Variants in RGS7 observed in about 807,000 individuals in gnomAD.
RGS7 encodes regulator of G protein signaling 7, also known as regulator of G-protein signaling 7.
Under a neutral mutation model 81.1 loss-of-function variants are expected in RGS7, and 27 were observed. That is an observed-to-expected ratio of 0.33 (90% CI 0.25 to 0.46). The LOEUF is 0.46. Among genes scored for constraint, RGS7 ranks in the 20% least tolerant of loss-of-function variants. RGS7 has a pLI of 1.00. For missense variants in RGS7, 396 were observed against 607.4 expected (o/e 0.65, Z 3.66); for synonymous variants, 208 against 207.7 (o/e 1.00, Z -0.01).
intron 3 of RGS7, among the ~76,000 whole-genome samples, chr1:241,032,356 C>T (rs1014931332): frequency 2.0e-5 from 3 of 152,106 alleles, no homozygotes; most frequent in African/African-American, 7.2e-5. Flanking sequence ...ATACCAGTAC[C>T]GTGCTGTTTT....
intron 3 of RGS7, chr1:240,998,375 T>C (rs1356623829): frequency 7.5e-6 from 4 of 530,392 alleles, no homozygotes; most frequent in Non-Finnish European, 1.3e-5. Flanking sequence ...GTGATGTTTT[T>C]AAGCCATTAT....
At chr1:240,908,902 C>T (rs999406341) in intron 6 of RGS7, among the ~76,000 whole-genome samples, 3 of 152,154 alleles carry the variant, frequency 2.0e-5, no homozygotes, top group African/African-American at 7.2e-5. Flanking sequence ...CAAGTGTTTC[C>T]TTCAGGTTGC....
At chr1:241,032,718 T>G (rs2060138858) in intron 3 of RGS7, among the ~76,000 whole-genome samples, 1 of 152,188 alleles carries the variant, frequency 6.6e-6, no homozygotes, top group African/African-American at 2.4e-5. Context: ...TTACATATAT[T>G]CCTATTTATT....
intron 2 of RGS7, among the ~76,000 whole-genome samples, chr1:241,119,031 C>A (rs1336132332): frequency 6.6e-6 from 1 of 151,360 alleles, no homozygotes; most frequent in Non-Finnish European, 1.5e-5. Flanking sequence ...CCCCTGCTCA[C>A]CCAAAATGTA....
intron 3 of RGS7, among the ~76,000 whole-genome samples, chr1:241,084,006 A>C (rs2063296598): frequency 6.6e-6 from 1 of 152,164 alleles, no homozygotes. Context: ...TCTTCTTCAA[A>C]CTGACTCCAA....
chr1:241,356,297 G>T (rs2148765836), intron 1 of RGS7, among the ~76,000 whole-genome samples: 1 of 152,206 alleles, frequency 6.6e-6, no homozygotes, highest in Non-Finnish European at 1.5e-5. Flanking sequence ...CAGCCCATCA[G>T]AGAGGCCCAT....
In RGS7 at chr1:240,802,910, C is replaced by CTT; in HGVS notation, c.1351_1352dup (p.Lys452ArgfsTer38). ...ACTCACAAAAAACCAGTACCTTTTT[C>CTT]TTTGCCTGTAGAAGCTCCTGATAGG... On this transcript the variant is annotated frameshift_variant, in exon 16 of 19. Coordinates refer to ENST00000440928, the MANE Select transcript of RGS7 (RefSeq NM_001364886.1). LOFTEE classifies it high-confidence loss of function. 1 of 1,606,012 alleles carries CTT rather than the reference C, an allele frequency of 6.2e-7. No individual in the cohort carries two copies. Among genetic ancestry groups the CTT allele is most frequent in the Non-Finnish European group, 8.5e-7 (1 of 1,172,920 alleles).
intron 2 of RGS7, among the ~76,000 whole-genome samples, chr1:241,139,746 G>C (rs1466230603): frequency 1.3e-5 from 2 of 152,096 alleles, no homozygotes; most frequent in South Asian, 2.1e-4. Context: ...CCCTAACAAC[G>C]ACTGATGTTC....
rs971275816 is a variant in RGS7 at position 240,828,918 on chromosome 1, C to T, written c.610-1746G>A. The stretch of plus-strand genomic sequence containing the variant: ...AGTGACTCCAGAGAAACTGTGAATA[C>T]GGAAAAGTCTTCCGTGGAGTTGGGG... On this transcript the variant is annotated intron_variant, in intron 9 of 18. Coordinates refer to ENST00000440928, the MANE Select transcript of RGS7 (RefSeq NM_001364886.1). Among the ~76,000 whole-genome samples the T allele has an allele frequency of 1.8e-4, 28 of 152,056 alleles. 1 individual carries two copies. The highest frequency in any genetic ancestry group is 7.4e-5 in the Non-Finnish European group (5 of 68,014).
At chr1:241,192,917 C>A (rs2072792136) in intron 2 of RGS7, among the ~76,000 whole-genome samples, 1 of 152,050 alleles carries the variant, frequency 6.6e-6, no homozygotes, top group Non-Finnish European at 1.5e-5. Flanking sequence ...ATTTTCAGCA[C>A]CTACTTTTTA....
chr1:241,235,039 T>C (rs149369694), intron 2 of RGS7, among the ~76,000 whole-genome samples: 13 of 152,322 alleles, frequency 8.5e-5, no homozygotes, highest in African/African-American at 2.6e-4. Flanking sequence ...ATGATGTTAA[T>C]AAGATGTTTG....
intron 3 of RGS7, among the ~76,000 whole-genome samples, chr1:241,023,566 T>G (rs2059645268): frequency 6.6e-6 from 1 of 152,228 alleles, no homozygotes; most frequent in Admixed American, 6.5e-5. Flanking sequence ...ATGGATGCCC[T>G]GTGATACGCC....
chr1:241,223,215 A>T (rs1473153533), intron 2 of RGS7, among the ~76,000 whole-genome samples: 1 of 152,232 alleles, frequency 6.6e-6, no homozygotes, highest in African/African-American at 2.4e-5. Flanking sequence ...CTGCTATGTT[A>T]GTTACATCAA....
chr1:241,017,826 C>G (rs990270974), intron 3 of RGS7, among the ~76,000 whole-genome samples: 1 of 151,938 alleles, frequency 6.6e-6, no homozygotes, highest in South Asian at 2.1e-4. Context: ...TCCTATTTAC[C>G]CTTTTGGTAT....
At chr1:241,211,768 G>A (rs1033216792) in intron 2 of RGS7, among the ~76,000 whole-genome samples, 2 of 152,176 alleles carry the variant, frequency 1.3e-5, no homozygotes, top group Non-Finnish European at 1.5e-5. Context: ...GTCATAGAAA[G>A]GAAACTGGAC....
At chr1:240,870,541 T>C (rs1370060871) in intron 6 of RGS7, among the ~76,000 whole-genome samples, 1 of 152,096 alleles carries the variant, frequency 6.6e-6, no homozygotes, top group African/African-American at 2.4e-5. Context: ...TAGAGCAGCT[T>C]CTCGCTTTGT....
intron 4 of RGS7, among the ~76,000 whole-genome samples, chr1:240,975,835 TA>T (rs1310455170): frequency 6.6e-6 from 1 of 152,268 alleles, no homozygotes; most frequent in Non-Finnish European, 1.5e-5. Flanking sequence ...AGGGCAGGTT[TA>T]AAAGGCAGAG....
At chr1:240,902,713 CT>C (rs1433575874) in intron 6 of RGS7, among the ~76,000 whole-genome samples, 9 of 152,040 alleles carry the variant, frequency 5.9e-5, no homozygotes, top group Non-Finnish European at 1.5e-5. Context: ...TAGAGAGAAA[CT>C]AGGAAACAAA....
At chr1:241,035,700 C>T (rs2060289467) in intron 3 of RGS7, among the ~76,000 whole-genome samples, 1 of 152,156 alleles carries the variant, frequency 6.6e-6, no homozygotes, top group Non-Finnish European at 1.5e-5. Flanking sequence ...ACCACTATCA[C>T]CATTATCTCC....
Sources: gnomAD v4.1 joint callset for allele counts (sites outside exome capture counted in the v4.1 genomes callset) on GRCh38, gnomAD v4.1.1 for gene constraint, MANE v1.5 for transcripts, NCBI Gene and HGNC (gene_info 2026-07-23, HGNC 2026-07-21) for gene names.